CTBP1: variants seen among roughly 807,000 people sequenced by gnomAD.
CTBP1 encodes the protein C-terminal binding protein 1, also known as C-terminal-binding protein 1.
CTBP1 carries 11 observed loss-of-function variants against 42.1 expected under a neutral mutation model. The ratio of observed to expected loss-of-function variants is 0.26; its 90% CI spans 0.16 to 0.43. The LOEUF (loss-of-function observed/expected upper bound fraction) is 0.43, where lower values mean the gene tolerates loss of function less well. Ranked by LOEUF, CTBP1 falls within the 20% of genes least tolerant of loss-of-function variation. The probability of loss-of-function intolerance (pLI) is 1.00; values close to 1 mark genes in which losing one functional copy is unlikely to be tolerated. For synonymous variants in CTBP1, 324 were observed against 277.1 expected (o/e 1.17, Z -1.68); for missense variants, 399 against 624.3 (o/e 0.64, Z 3.85).
upstream of CTBP1, chr4:1,249,142 G>GGC (rs1369423490): frequency 6.7e-6 from 1 of 148,396 alleles, no homozygotes; most frequent in Admixed American, 6.8e-5. Context: ...GGGACACGGC[G>GGC]GCGCGCGCGG....
chr4:1,243,291 G>A (rs1732376747), intron 1 of CTBP1: 10 of 985,280 alleles, frequency 1.0e-5, no homozygotes, highest in Non-Finnish European at 1.2e-5. Context: ...GGCCACCCTG[G>A]CCCTCCTGAA....
intron 5 of CTBP1, 81 bp from the exon 6 acceptor site, chr4:1,216,286 CCT>C: frequency 7.4e-7 from 1 of 1,354,498 alleles, no homozygotes; most frequent in Non-Finnish European, 1.0e-6. Flanking sequence ...GTCGGAGTGG[CCT>C]CTGTGCCTCA....
At chr4:1,230,094 G>A (rs1039862975) in intron 3 of CTBP1, among the ~76,000 whole-genome samples, 1 of 152,086 alleles carries the variant, frequency 6.6e-6, no homozygotes, top group Non-Finnish European at 1.5e-5. Context: ...GGGCTTTGAG[G>A]CTGCATGCAT....
intron 3 of CTBP1, chr4:1,236,339 A>G (rs1479725462): frequency 2.4e-6 from 1 of 413,486 alleles, no homozygotes. Context: ...GAATCAGGAA[A>G]GCTGCCCAAA....
rs989997601 is a variant in CTBP1 at position 1,235,597 on chromosome 4, C to A, written c.162+2586G>T. 4 of 152,230 alleles carry A rather than the reference C, an allele frequency of 2.6e-5. No individual in the cohort carries two copies. Among genetic ancestry groups the A allele is most frequent in the Admixed American group, 2.6e-4 (4 of 15,288 alleles). 9.4% of individuals were successfully genotyped at this position (152,230 alleles called of 1,614,324 possible). On this transcript the variant is annotated intron_variant, in intron 3 of 9. Transcript: ENST00000382952. This position sits in a 1 kb window ranked among gnomAD's most constrained non-coding sequence, Gnocchi z 4.2. ...TTCTCAGATCCGCATCTCATTTTCTCCCCTAACGCTGCTACGCCCCGTTCC... is the reference window on the plus strand; with the variant it reads ...TTCTCAGATCCGCATCTCATTTTCTACCCTAACGCTGCTACGCCCCGTTCC...
At chr4:1,213,851 G>C in intron 7 of CTBP1, 1 of 517,110 alleles carries the variant, frequency 1.9e-6, no homozygotes, top group Non-Finnish European at 3.4e-6. Context: ...TCCCTCGTGG[G>C]AGGAGCCCTG....
At chr4:1,246,330 C>T (rs961287029) in intron 1 of CTBP1, among the ~76,000 whole-genome samples, 4 of 152,202 alleles carry the variant, frequency 2.6e-5, no homozygotes, top group Non-Finnish European at 5.9e-5. Flanking sequence ...CCACAGAACC[C>T]GTATGACACT....
chr4:1,226,771 CACCA>C (rs1730395405), intron 4 of CTBP1, among the ~76,000 whole-genome samples: 2 of 151,764 alleles, frequency 1.3e-5, no homozygotes, highest in South Asian at 4.2e-4. Context: ...CCTGGGACGC[CACCA>C]CAGAGACAAA....
chr4:1,247,771 G>A (rs959766540), intron 1 of CTBP1, among the ~76,000 whole-genome samples: 5 of 146,650 alleles, frequency 3.4e-5, no homozygotes, highest in East Asian at 2.1e-4. Context: ...CCGGGGAGGG[G>A]GGGGGGGCTC....
intron 5 of CTBP1, among the ~76,000 whole-genome samples, chr4:1,220,921 C>A (rs77965665): frequency 0.014 from 2,165 of 152,324 alleles, 25 homozygotes; most frequent in Non-Finnish European, 0.019. Context: ...TAAACAGATT[C>A]CTCAGGACAC....
intron 5 of CTBP1, chr4:1,218,504 G>C (rs58848442): frequency 6.6e-6 from 1 of 152,150 alleles, no homozygotes. Flanking sequence ...CTACAGGAAC[G>C]TGACGCCCGA....
rs1172380551 is a variant in CTBP1 at position 1,238,857 on chromosome 4, C to T, written c.8-520G>A. 6.6e-6 allele frequency among the ~76,000 whole-genome samples: 1 copy of T among 151,764 alleles called. No homozygotes were observed. The highest frequency in any genetic ancestry group is 1.5e-5 in the Non-Finnish European group (1 of 67,964). On this transcript the variant is annotated intron_variant, in intron 2 of 9. Coordinates refer to ENST00000382952, the MANE Select transcript of CTBP1 (RefSeq NM_001012614.2). This position sits in a 1 kb window ranked among gnomAD's most constrained non-coding sequence, Gnocchi z 5.9. ...GAGACCCCAGGGCAGCTCCATGAGG[C>T]AGGGGGACAGGAGGGACCCAGGACA...
chr4:1,224,889 G>A (rs1032643236), intron 5 of CTBP1, among the ~76,000 whole-genome samples: 2 of 151,712 alleles, frequency 1.3e-5, no homozygotes, highest in Non-Finnish European at 2.9e-5. Context: ...GTGCAGGCCA[G>A]TATGTGTACT....
At chr4:1,221,680 C>A in intron 5 of CTBP1, 1 of 297,478 alleles carries the variant, frequency 3.4e-6, no homozygotes. Context: ...CTGGGGAAGG[C>A]CCTCTGCTCT....
rs533116478 is a variant in CTBP1 at position 1,222,649 on chromosome 4, G to C, written c.514+2711C>G. On this transcript the variant is annotated intron_variant, in intron 5 of 9. Coordinates refer to ENST00000382952, the MANE Select transcript of CTBP1 (RefSeq NM_001012614.2). Reference sequence around the variant, plus strand: ...CTGGCAGGTGGGGTCCTTAACGAACGGGGTGGCCACAGCCCTACCCTCTGA... The same window carrying C: ...CTGGCAGGTGGGGTCCTTAACGAACCGGGTGGCCACAGCCCTACCCTCTGA... Among the ~76,000 whole-genome samples the C allele has an allele frequency of 5.4e-3, 829 of 152,268 alleles. 1 individual carries two copies. Among genetic ancestry groups the C allele is most frequent in the Non-Finnish European group, 8.9e-3 (607 of 67,990 alleles).
intron 3 of CTBP1, among the ~76,000 whole-genome samples, chr4:1,230,127 G>A (rs1459276675): frequency 4.6e-5 from 7 of 152,158 alleles, no homozygotes; most frequent in Admixed American, 2.0e-4. Flanking sequence ...TGCACCAGAC[G>A]CAGTGTGGAC....
intron 4 of CTBP1, among the ~76,000 whole-genome samples, chr4:1,225,977 G>A (rs544374803): frequency 6.6e-6 from 1 of 152,142 alleles, no homozygotes; most frequent in Non-Finnish European, 1.5e-5. Context: ...TCTGGGTGCC[G>A]GCCCCGCCTG....
intron 4 of CTBP1, among the ~76,000 whole-genome samples, chr4:1,226,255 G>C (rs1680058): frequency 0.78 from 118,300 of 151,910 alleles, 47,513 homozygotes; most frequent in South Asian, 0.89. Context: ...CTCATCCCTG[G>C]CTTGTCCCTG....
intron 5 of CTBP1, chr4:1,216,479 T>C: frequency 1.7e-6 from 1 of 576,990 alleles, no homozygotes; most frequent in Non-Finnish European, 3.1e-6. Flanking sequence ...ACCACTCCCC[T>C]GCAGCCTGTC....
Sources: allele counts gnomAD v4.1 joint callset (sites outside exome capture counted in the v4.1 genomes callset), GRCh38; gene constraint gnomAD v4.1.1; non-coding constraint Gnocchi (gnomAD v3.1); transcripts MANE v1.5; gene names NCBI Gene and HGNC (gene_info 2026-07-23, HGNC 2026-07-21).